Variants in SUGCT observed in about 807,000 individuals in gnomAD.
SUGCT encodes succinyl-CoA:glutarate CoA-transferase.
A neutral mutation model predicts 55.0 loss-of-function variants in SUGCT; 41 were observed. That is an observed-to-expected ratio of 0.74 (90% CI 0.58 to 0.97). The LOEUF (loss-of-function observed/expected upper bound fraction) is 0.97. Among genes scored for constraint, SUGCT ranks in the 50% least tolerant of loss-of-function variants. The pLI is 0.00. For missense variants in SUGCT, 568 were observed against 547.8 expected (o/e 1.04, Z -0.37); for synonymous variants, 187 against 200.4 (o/e 0.93, Z 0.56).
intron 12 of SUGCT, among the ~76,000 whole-genome samples, chr7:40,710,956 G>T (rs536406409): frequency 1.1e-4 from 16 of 152,160 alleles, no homozygotes; most frequent in Non-Finnish European, 2.2e-4. Flanking sequence ...CCAGTGGACT[G>T]GGGTAAAGGA....
At chr7:40,758,144 A>G (rs1442225061) in intron 13 of SUGCT, among the ~76,000 whole-genome samples, 1 of 151,606 alleles carries the variant, frequency 6.6e-6, no homozygotes, top group East Asian at 1.9e-4. Flanking sequence ...GCTTGGCTTT[A>G]TGGTTGGGTT....
intron 12 of SUGCT, among the ~76,000 whole-genome samples, chr7:40,726,693 A>G (rs776649767): frequency 2.0e-5 from 3 of 152,188 alleles, no homozygotes; most frequent in Non-Finnish European, 4.4e-5. Flanking sequence ...GAGGCGCCGC[A>G]ACCGAATTGC....
At chr7:40,569,021 G>A (rs1007432544) in intron 12 of SUGCT, among the ~76,000 whole-genome samples, 6 of 152,206 alleles carry the variant, frequency 3.9e-5, no homozygotes, top group African/African-American at 1.4e-4. Context: ...TTCAAAGGTT[G>A]TAGATAATAC....
At chr7:41,027,522 T>C in the SUGCT span, among the ~76,000 whole-genome samples, 1 of 152,194 alleles carries the variant, frequency 6.6e-6, no homozygotes, top group Non-Finnish European at 1.5e-5. Flanking sequence ...ATGCATAATG[T>C]TCTGCGGTGT....
the SUGCT span, among the ~76,000 whole-genome samples, chr7:40,920,389 C>T: frequency 2.0e-5 from 3 of 152,052 alleles, no homozygotes; most frequent in Non-Finnish European, 2.9e-5. Context: ...CACCAGAAGC[C>T]CTGGAAAGTT....
intron 12 of SUGCT, among the ~76,000 whole-genome samples, chr7:40,619,308 T>G (rs1036246779): frequency 6.6e-6 from 1 of 152,246 alleles, no homozygotes; most frequent in African/African-American, 2.4e-5. Context: ...TCTTTAATGT[T>G]TGTATTATTG....
intron 12 of SUGCT, among the ~76,000 whole-genome samples, chr7:40,531,284 T>A (rs1277089012): frequency 6.6e-6 from 1 of 152,170 alleles, no homozygotes; most frequent in Non-Finnish European, 1.5e-5. Flanking sequence ...GTAACTAGTG[T>A]TATGCTTATT....
intron 12 of SUGCT, among the ~76,000 whole-genome samples, chr7:40,712,000 G>A (rs573287351): frequency 1.9e-4 from 29 of 152,306 alleles, no homozygotes; most frequent in Middle Eastern, 6.8e-3. Context: ...CTGGAAGTGA[G>A]GTCCGCATCA....
At chr7:40,916,099 AC>A in the SUGCT span, among the ~76,000 whole-genome samples, 1 of 145,756 alleles carries the variant, frequency 6.9e-6, no homozygotes, top group African/African-American at 2.6e-5. Flanking sequence ...ACACACACAC[AC>A]ACACAGATAT....
intron 9 of SUGCT, among the ~76,000 whole-genome samples, chr7:40,318,656 C>T (rs1009673883): frequency 5.3e-5 from 8 of 152,192 alleles, no homozygotes; most frequent in South Asian, 2.1e-4. Flanking sequence ...AGACTGGCCT[C>T]GACCTCCTGA....
At chr7:40,380,534 T>G (rs1242882864) in intron 9 of SUGCT, among the ~76,000 whole-genome samples, 1 of 152,204 alleles carries the variant, frequency 6.6e-6, no homozygotes, top group Non-Finnish European at 1.5e-5. Context: ...TATTTATGGC[T>G]TATTCTGCTT....
At chr7:40,389,203 A>G (rs933275544) in intron 9 of SUGCT, among the ~76,000 whole-genome samples, 4 of 152,172 alleles carry the variant, frequency 2.6e-5, no homozygotes, top group African/African-American at 7.2e-5. Flanking sequence ...TAATCCTAGC[A>G]TTTTGGGAGG....
At chr7:40,897,191 C>T in the SUGCT span, among the ~76,000 whole-genome samples, 1 of 152,258 alleles carries the variant, frequency 6.6e-6, no homozygotes, top group East Asian at 1.9e-4. Context: ...TCCCACACCA[C>T]ATACAAAAAT....
chr7:40,481,423 G>T (rs1791030197), intron 11 of SUGCT, among the ~76,000 whole-genome samples: 1 of 151,378 alleles, frequency 6.6e-6, no homozygotes, highest in African/African-American at 2.4e-5. Flanking sequence ...TTATGTATAT[G>T]ATGTAGAATA....
intron 10 of SUGCT, among the ~76,000 whole-genome samples, chr7:40,456,674 A>G (rs941495418): frequency 6.6e-6 from 1 of 152,096 alleles, no homozygotes; most frequent in Non-Finnish European, 1.5e-5. Flanking sequence ...AGGTAGTTGC[A>G]TTAAGAAGTT....
intron 7 of SUGCT, among the ~76,000 whole-genome samples, chr7:40,245,922 C>T (rs1789843452): frequency 6.6e-6 from 1 of 152,036 alleles, no homozygotes; most frequent in Non-Finnish European, 1.5e-5. Context: ...TGGCTCACTG[C>T]AGTCTGGGCT....
At chr7:40,915,851 A>G in the SUGCT span, among the ~76,000 whole-genome samples, 5 of 152,210 alleles carry the variant, frequency 3.3e-5, no homozygotes, top group Admixed American at 3.3e-4. Context: ...ATGATTACTA[A>G]TGTTTCCCAT....
At chr7:40,242,177 C>CTT (rs555537635) in intron 7 of SUGCT, among the ~76,000 whole-genome samples, 7 of 140,334 alleles carry the variant, frequency 5.0e-5, no homozygotes, top group African/African-American at 1.8e-4. Context: ...TTTTTCTTTT[C>CTT]TTTTTTTTTT....
the SUGCT span, among the ~76,000 whole-genome samples, chr7:40,934,376 C>T: frequency 6.6e-6 from 1 of 152,174 alleles, no homozygotes; most frequent in East Asian, 1.9e-4. Flanking sequence ...AGGTGTCTCC[C>T]AGTTAGGCTA....
Sources: gnomAD v4.1 joint callset for allele counts (sites outside exome capture counted in the v4.1 genomes callset) on GRCh38, gnomAD v4.1.1 for gene constraint, MANE v1.5 for transcripts, NCBI Gene and HGNC (gene_info 2026-07-23, HGNC 2026-07-21) for gene names.